Variants in APOB observed in about 807,000 individuals in gnomAD.
The protein encoded by APOB is apolipoprotein B-100.
APOB carries 153 observed loss-of-function variants against 314.1 expected under a neutral mutation model. The observed-to-expected ratio is 0.49, with a 90% CI of 0.43 to 0.56. APOB has a LOEUF of 0.56. APOB is among the 20% of genes least tolerant of loss of function. The pLI is 0.00. For missense variants in APOB, 5,430 were observed against 5,350.7 expected (o/e 1.01, Z -0.46); for synonymous variants, 2,087 against 2,036.4 (o/e 1.02, Z -0.67).
At position 21,042,450 on chromosome 2, in the gene APOB, G is replaced by A. The variant is rs749903604; in HGVS notation, c.148C>T (p.Arg50Trp). 2.5e-6 allele frequency: 4 copies of A among 1,614,134 alleles called. No homozygotes were observed. Among genetic ancestry groups the A allele is most frequent in the East Asian group, 2.2e-5 (1 of 44,890 alleles). The change falls in exon 3 of 29, where the codon CGG (arginine) becomes TGG (tryptophan). Residue 50 changes from arginine to tryptophan, a missense_variant. Physicochemically the swap from Arg to Trp is moderately radical, Grantham distance 101 (BLOSUM62 -3). Around this residue, in one of 3 missense-constraint regions of APOB, gnomAD observed 2,085 missense variants for 2,079.7 expected, o/e 1.00. Transcript: ENST00000233242. The part of the protein sequence containing the change: ...PKDATRFKHL[R>W]KYTYNYEAES... ...GCCTCATAGTTGTATGTGTACTTCC[G>A]GAGGTGCTTGAATCGGGTCGCATCT...
chr2:21,024,629 A>C (rs928654765), intron 16 of APOB: 4 of 525,414 alleles, frequency 7.6e-6, no homozygotes, highest in Non-Finnish European at 1.3e-5. Context: ...TAAAAAAATA[A>C]AAATAAAAAT....
chr2:21,009,213 T>C lies in APOB; in HGVS notation c.7655A>G (p.Asp2552Gly), dbSNP rs779100523. ...GTTCTTAGCAGCAAGAGTCCACCAA[T>C]CAGAAATGTAGGTGACAAGTGTGCT... ...VYSTLVTYIS[D>G]WWTLAAKNLT... is the part of the protein sequence containing the mutation. Residue 2552 changes from aspartate (D) to glycine (G), a missense_variant, in exon 26 of 29, where the codon GAT (aspartate) becomes GGT (glycine). Physicochemically the swap from Asp to Gly is moderately conservative, Grantham distance 94. Transcript: ENST00000233242. The C allele has an allele frequency of 7.9e-5, 128 of 1,613,936 alleles. No homozygotes were observed. The highest frequency in any genetic ancestry group is 1.1e-4 in the Non-Finnish European group (125 of 1,179,970).
intron 5 of APOB, 66 bp downstream of exon 5, chr2:21,037,891 AG>A: frequency 6.3e-7 from 1 of 1,575,938 alleles, no homozygotes; most frequent in Non-Finnish European, 8.7e-7. Flanking sequence ...TGTATATGGT[AG>A]GACTGGTCTC....
chr2:21,033,398 A>G lies in APOB; in HGVS notation c.1025T>C (p.Ile342Thr), dbSNP rs769500081. 6.2e-7 allele frequency: 1 copy of G among 1,614,118 alleles called. No homozygotes were observed. Among genetic ancestry groups the G allele is most frequent in the South Asian group, 1.1e-5 (1 of 91,082 alleles). Residue 342 changes from isoleucine to threonine, a missense_variant, in exon 9 of 29, where the codon ATC (isoleucine) becomes ACC (threonine). This residue lies in a region of APOB where 2,085 missense variants were observed against 2,079.7 expected (regional missense o/e 1.00). Transcript: ENST00000233242. ...LKKLTISEQN[I>T]QRANLFNKLV... ...CTTATTGAAGAGATTAGCTCTCTGG[A>G]TATTTTGCTCAGAGATGGTTAGTTT...
chr2:21,012,504 A>C lies in APOB; in HGVS notation c.4364T>G (p.Phe1455Cys). 2 of 1,614,224 alleles carry C rather than the reference A, an allele frequency of 1.2e-6. No homozygotes were observed. Among genetic ancestry groups the C allele is most frequent in the Admixed American group, 1.7e-5 (1 of 60,028 alleles). The change falls in exon 26 of 29, where the codon TTC becomes TGC. Residue 1455 changes from phenylalanine (F) to cysteine (C), a missense_variant. Transcript: ENST00000233242. ...NNPVSKGLLI[F>C]DASSSWGPQM... is the part of the protein sequence containing the mutation. ...TGGTCCCCAGGAACTAGATGCATCG[A>C]ATATTAGTAAACCTTTTGAGACTGG...
At chr2:21,019,147 T>A in intron 19 of APOB, 34 bp from the exon 20 acceptor site, 1 of 1,613,732 alleles carries the variant, frequency 6.2e-7, no homozygotes, top group Non-Finnish European at 8.5e-7. Context: ...GTGCATAATG[T>A]TAGAGCTTTC....
intron 26 of APOB, 143 bp from the exon 27 acceptor site, chr2:21,004,818 AAAAT>A (rs1663084930): frequency 2.7e-6 from 2 of 748,844 alleles, no homozygotes; most frequent in African/African-American, 1.8e-5. Flanking sequence ...CACTTATTTT[AAAAT>A]AAATAGTTAA....
At chr2:21,028,581 G>T in intron 12 of APOB, 43 bp from the exon 13 acceptor site, 1 of 1,348,728 alleles carries the variant, frequency 7.4e-7, no homozygotes, top group Non-Finnish European at 1.1e-6. Context: ...CCTGTGGTCA[G>T]AACACAGAAC....
intron 15 of APOB, 29 bp from the exon 16 acceptor site, chr2:21,025,153 G>A: frequency 1.9e-6 from 3 of 1,604,596 alleles, no homozygotes; most frequent in South Asian, 1.1e-5. Context: ...AATGGCCAGT[G>A]AGATGTCAGC....
chr2:21,010,190 G>A lies in APOB; in HGVS notation c.6678C>T (p.Ile2226=). ...YHIRVNLVKT[I]HDLHLFIENI... ...TTTCAATAAACAAATGTAGATCATG[G>A]ATTGTTTTTACTAAATTTACACGGA... Residue 2226 remains isoleucine (I), a synonymous_variant, in exon 26 of 29, where the codon ATC becomes ATT. Transcript: ENST00000233242. 6.3e-7 allele frequency: 1 copy of A among 1,594,998 alleles called. No individual in the cohort carries two copies. Among genetic ancestry groups the A allele is most frequent in the Non-Finnish European group, 8.6e-7 (1 of 1,167,054 alleles).
chr2:21,028,683 C>T lies in APOB; in HGVS notation c.1618-145G>A. 3 of 661,150 alleles carry T rather than the reference C, an allele frequency of 4.5e-6. No individual in the cohort carries two copies. In the South Asian group the frequency reaches 5.4e-5, roughly 12 times the overall value. 41.0% of individuals were successfully genotyped at this position (661,150 alleles called of 1,614,324 possible). On this transcript the variant is annotated intron_variant, in intron 12 of 28. Transcript: ENST00000233242. ...CGTTCTTCAAATGCTGGTATTGAAT[C>T]TTCTTGCCAGTGTTTCCTAGAGCAC...
At chr2:21,021,953 A>G (rs1198472597) in intron 18 of APOB, among the ~76,000 whole-genome samples, 2 of 152,078 alleles carry the variant, frequency 1.3e-5, no homozygotes, top group Non-Finnish European at 2.9e-5. Flanking sequence ...GCAATTAAAT[A>G]TACTATTTTT....
rs1037831178 is a variant in APOB at position 21,010,195 on chromosome 2, T to C, written c.6673A>G (p.Thr2225Ala). 2.4e-5 allele frequency: 39 copies of C among 1,594,192 alleles called. No individual in the cohort carries two copies. Among genetic ancestry groups the C allele is most frequent in the Non-Finnish European group, 3.3e-5 (39 of 1,166,660 alleles). Residue 2225 changes from threonine (T) to alanine (A), a missense_variant, in exon 26 of 29, where the codon ACA becomes GCA. Thr to Ala is a moderately conservative substitution (Grantham distance 58, BLOSUM62 0). This residue lies in a region of APOB where 3,281 missense variants were observed against 3,171.0 expected (regional missense o/e 1.03). Transcript: ENST00000233242. ...HYHIRVNLVKTIHDLHLFIEN... is the reference protein window; with the variant it reads ...HYHIRVNLVKAIHDLHLFIEN... ...ATAAACAAATGTAGATCATGGATTG[T>C]TTTTACTAAATTTACACGGATATGA...
chr2:21,012,332 G>A lies in APOB; in HGVS notation c.4536C>T (p.Gly1512=). The A allele has an allele frequency of 6.2e-7, 1 of 1,614,098 alleles. No homozygotes were observed. Among genetic ancestry groups the A allele is most frequent in the Non-Finnish European group, 8.5e-7 (1 of 1,180,024 alleles). The part of the protein sequence containing the change: ...GLSCQRDPNT[G]RLNGESNLRF... ...TCAGGTTGGACTCTCCATTGAGCCG[G>A]CCAGTGTTAGGATCCCTCTGACAAG... The change falls in exon 26 of 29, where the codon GGC becomes GGT. Residue 1512 remains glycine (G), a synonymous_variant. Transcript: ENST00000233242.
At position 21,007,903 on chromosome 2, in the gene APOB, G is replaced by GAATTTC. The variant is rs1663191500; in HGVS notation, c.8959_8964dup (p.Glu2987_Ile2988dup). On this transcript the variant is annotated inframe_insertion, in exon 26 of 29. Transcript: ENST00000233242. ...ACATGCTGGGAATCGACTTGTGATT[G>GAATTTC]AATTTCAAGTTTAGAAAAGTTGAGG... 1.2e-6 allele frequency: 2 copies of GAATTTC among 1,613,960 alleles called. No homozygotes were observed. The highest frequency in any genetic ancestry group is 1.7e-6 in the Non-Finnish European group (2 of 1,179,982).
intron 18 of APOB, 123 bp from the exon 19 acceptor site, chr2:21,020,028 A>C: frequency 2.4e-6 from 2 of 849,888 alleles, no homozygotes; most frequent in Non-Finnish European, 4.0e-6. Context: ...CCTATCTCTA[A>C]CTATTTAATT....
chr2:21,020,556 C>T (rs764958969), intron 18 of APOB, among the ~76,000 whole-genome samples: 7 of 152,208 alleles, frequency 4.6e-5, no homozygotes, highest in African/African-American at 7.2e-5. Context: ...CTCCCAGAAG[C>T]CTTCCATAGA....
intron 18 of APOB, among the ~76,000 whole-genome samples, chr2:21,020,497 T>A (rs146228513): frequency 6.6e-6 from 1 of 152,324 alleles, no homozygotes; most frequent in East Asian, 1.9e-4. Context: ...TCTAATGCCC[T>A]CCTTGCTCCT....
chr2:21,002,723 C>A lies in APOB; in HGVS notation c.12699G>T (p.Ser4233=). 6.2e-7 allele frequency: 1 copy of A among 1,613,220 alleles called. No homozygotes were observed. The highest frequency in any genetic ancestry group is 1.1e-5 in the South Asian group (1 of 90,956). Residue 4233 remains serine (S), a synonymous_variant, in exon 29 of 29, where the codon TCG becomes TCT. Transcript: ENST00000233242. ...EVGTVLSQVY[S]KVHNGSEILF... ...GTATTTCTGAACCATTATGGACTTT[C>A]GAATATACCTGGGACAGTACCGTCC...
Sources: allele counts gnomAD v4.1 joint callset (sites outside exome capture counted in the v4.1 genomes callset), GRCh38; gene constraint gnomAD v4.1.1; regional missense constraint gnomAD v4.1.1; transcripts MANE v1.5; gene names NCBI Gene and HGNC (gene_info 2026-07-23, HGNC 2026-07-21).